Variants in PHLPP1 observed in about 807,000 individuals in gnomAD.
The protein encoded by PHLPP1 is PH domain and leucine rich repeat protein phosphatase 1.
Under a neutral mutation model 117.2 loss-of-function variants are expected in PHLPP1, and 42 were observed. That is an observed-to-expected ratio of 0.36 (90% CI 0.28 to 0.46). PHLPP1 has a LOEUF of 0.46. Among genes scored for constraint, PHLPP1 ranks in the 20% least tolerant of loss-of-function variants. The probability of loss-of-function intolerance (pLI) is 1.00; values close to 1 mark genes in which losing one functional copy is unlikely to be tolerated. For missense variants in PHLPP1, 2,084 were observed against 2,241.9 expected (o/e 0.93, Z 1.42); for synonymous variants, 1,042 against 970.7 (o/e 1.07, Z -1.37).
intron 1 of PHLPP1, among the ~76,000 whole-genome samples, chr18:62,754,183 G>A (rs1403950621): frequency 1.3e-5 from 2 of 152,204 alleles, no homozygotes; most frequent in African/African-American, 4.8e-5. Context: ...TTGCTCAGCT[G>A]TTCTGTTCTG....
chr18:62,879,046 T>C (rs1568147810), intron 4 of PHLPP1, among the ~76,000 whole-genome samples: 1 of 152,206 alleles, frequency 6.6e-6, no homozygotes, highest in Non-Finnish European at 1.5e-5. Context: ...TTTCACAAAA[T>C]GATTCATGAA....
At position 62,965,570 on chromosome 18, in the gene PHLPP1, C is replaced by T. The variant is rs555875108; in HGVS notation, c.3560+2098C>T. Among the ~76,000 whole-genome samples the T allele has an allele frequency of 1.4e-4, 21 of 149,710 alleles. No individual in the cohort carries two copies. In the South Asian group the frequency reaches 2.3e-3, roughly 16 times the overall value. ...TGCCTCCCGGGTTCAAGTGATTATC[C>T]TGCCTCAGCCTCCCAAGTAGCTGGG... On this transcript the variant is annotated intron_variant, in intron 14 of 16. Coordinates refer to ENST00000262719, the MANE Select transcript of PHLPP1 (RefSeq NM_194449.4).
At chr18:62,800,829 C>G (rs993734397) in intron 1 of PHLPP1, among the ~76,000 whole-genome samples, 4 of 151,920 alleles carry the variant, frequency 2.6e-5, no homozygotes, top group African/African-American at 9.7e-5. Context: ...TAATAGTGAG[C>G]TTTTGTAAAC....
intron 1 of PHLPP1, among the ~76,000 whole-genome samples, chr18:62,752,649 G>A (rs902109137): frequency 5.3e-5 from 8 of 152,200 alleles, no homozygotes; most frequent in Non-Finnish European, 7.3e-5. Context: ...TTGGTTAATA[G>A]TAGTTCTGTA....
At chr18:62,743,175 A>G (rs899547289) in intron 1 of PHLPP1, among the ~76,000 whole-genome samples, 1 of 151,998 alleles carries the variant, frequency 6.6e-6, no homozygotes, top group Non-Finnish European at 1.5e-5. Context: ...CTTTATAGTT[A>G]TTATTGAAGT....
chr18:62,788,449 A>T lies in PHLPP1; in HGVS notation c.1577-41586A>T, dbSNP rs188974423. Among the ~76,000 whole-genome samples, 5 of 152,300 alleles carry T rather than the reference A, an allele frequency of 3.3e-5. No individual in the cohort carries two copies. In the East Asian group the frequency reaches 9.7e-4, roughly 29 times the overall value. On this transcript the variant is annotated intron_variant, in intron 1 of 16. Coordinates refer to ENST00000262719, the MANE Select transcript of PHLPP1 (RefSeq NM_194449.4). Reference sequence around the variant, plus strand: ...CTCCCTTCTCAGTTTATATTGGAATAGTGTCTTCTGGCAAAAGGTGAAAGG... The same window carrying T: ...CTCCCTTCTCAGTTTATATTGGAATTGTGTCTTCTGGCAAAAGGTGAAAGG...
At chr18:62,811,168 C>T (rs1914103906) in intron 1 of PHLPP1, among the ~76,000 whole-genome samples, 2 of 152,210 alleles carry the variant, frequency 1.3e-5, no homozygotes, top group African/African-American at 2.4e-5. Context: ...TATTTTTGCT[C>T]ATTTTGATTG....
chr18:62,944,644 A>G (rs896378093), intron 11 of PHLPP1, among the ~76,000 whole-genome samples: 9 of 152,180 alleles, frequency 5.9e-5, no homozygotes, highest in Non-Finnish European at 4.4e-5. Flanking sequence ...AGGGTTGAAG[A>G]AAAAGCTTAT....
At chr18:62,845,090 C>T (rs1423418046) in intron 3 of PHLPP1, among the ~76,000 whole-genome samples, 2 of 152,006 alleles carry the variant, frequency 1.3e-5, no homozygotes, top group South Asian at 2.1e-4. Flanking sequence ...CTTCCAAGGA[C>T]CTCAAACCTG....
At chr18:62,836,934 G>T (rs1914921957) in intron 2 of PHLPP1, among the ~76,000 whole-genome samples, 1 of 152,010 alleles carries the variant, frequency 6.6e-6, no homozygotes, top group Non-Finnish European at 1.5e-5. Context: ...TCCAGCCTGG[G>T]CAAGGAGTGA....
intron 12 of PHLPP1, among the ~76,000 whole-genome samples, chr18:62,948,464 A>T (rs147464792): frequency 6.6e-6 from 1 of 152,102 alleles, no homozygotes; most frequent in Non-Finnish European, 1.5e-5. Flanking sequence ...TTGCTATTGA[A>T]TTCCTTCCCC....
Position 62,830,066 on chromosome 18 carries a change from G to A in PHLPP1, c.1608G>A (p.Arg536=). 1 of 1,613,522 alleles carries A rather than the reference G, an allele frequency of 6.2e-7. No individual in the cohort carries two copies. The highest frequency in any genetic ancestry group is 2.2e-5 in the East Asian group (1 of 44,874). The part of the protein sequence containing the change: ...GKPHSTGSSE[R]IQLSGMYNVR... ...CTCACAGCACGGGTAGCTCTGAACGGATTCAGCTCTCAGGAATGTATAATG... is the reference window on the plus strand; with the variant it reads ...CTCACAGCACGGGTAGCTCTGAACGAATTCAGCTCTCAGGAATGTATAATG... Residue 536 remains arginine, a synonymous_variant, in exon 2 of 17, where the codon CGG becomes CGA. Transcript: ENST00000262719.
intron 1 of PHLPP1, among the ~76,000 whole-genome samples, chr18:62,721,445 T>G (rs1207681600): frequency 1.3e-5 from 2 of 152,024 alleles, no homozygotes; most frequent in African/African-American, 2.4e-5. Context: ...TGTGTGTGTG[T>G]GTGTGTGTGT....
chr18:62,919,686 C>T (rs944507963), intron 9 of PHLPP1, among the ~76,000 whole-genome samples: 2 of 152,120 alleles, frequency 1.3e-5, no homozygotes, highest in African/African-American at 4.8e-5. Flanking sequence ...GCCTTGTGAC[C>T]CTAACAAGAT....
intron 1 of PHLPP1, among the ~76,000 whole-genome samples, chr18:62,760,053 G>GC (rs1000648340): frequency 2.0e-5 from 3 of 152,140 alleles, no homozygotes; most frequent in African/African-American, 7.2e-5. Flanking sequence ...TGATAGTAGT[G>GC]CCCCCAGAAT....
intron 1 of PHLPP1, among the ~76,000 whole-genome samples, chr18:62,723,569 C>T (rs1381782027): frequency 3.3e-5 from 5 of 152,090 alleles, no homozygotes; most frequent in Non-Finnish European, 1.5e-5. Flanking sequence ...GAGAATGAAT[C>T]TTTTCATATA....
At position 62,958,814 on chromosome 18, in the gene PHLPP1, C is replaced by T. The variant is rs1317349859; in HGVS notation, c.3455+55C>T. 4.4e-6 allele frequency: 7 copies of T among 1,587,280 alleles called. No individual in the cohort carries two copies. In the East Asian group the frequency reaches 1.6e-4, roughly 36 times the overall value. Reference sequence around the variant, plus strand: ...ATCATTGTCCACTGGCAATGGGATTCATATCTTAGTGAAAATGGGAAACAA... The same window carrying T: ...ATCATTGTCCACTGGCAATGGGATTTATATCTTAGTGAAAATGGGAAACAA... On this transcript the variant is annotated intron_variant, in intron 13 of 16. Coordinates refer to ENST00000262719, the MANE Select transcript of PHLPP1 (RefSeq NM_194449.4).
At chr18:62,720,707 AT>A (rs1050721881) in intron 1 of PHLPP1, among the ~76,000 whole-genome samples, 6 of 149,636 alleles carry the variant, frequency 4.0e-5, no homozygotes, top group African/African-American at 4.9e-5. Context: ...GAGGCTTTAA[AT>A]TTTTTTTTTA....
At chr18:62,829,112 T>A (rs1049306289) in intron 1 of PHLPP1, among the ~76,000 whole-genome samples, 2 of 152,224 alleles carry the variant, frequency 1.3e-5, no homozygotes, top group African/African-American at 4.8e-5. Flanking sequence ...TCATTGCTTA[T>A]TTCTCTGTCT....
Sources: gnomAD v4.1 joint callset for allele counts (sites outside exome capture counted in the v4.1 genomes callset) on GRCh38, gnomAD v4.1.1 for gene constraint, MANE v1.5 for transcripts, NCBI Gene and HGNC (gene_info 2026-07-23, HGNC 2026-07-21) for gene names.